The following USP28 variants were observed in gnomAD, a reference collection of about 807,000 sequenced individuals.
USP28 encodes the protein ubiquitin carboxyl-terminal hydrolase 28.
Under a neutral mutation model 145.0 loss-of-function variants are expected in USP28, and 113 were observed. That is an observed-to-expected ratio of 0.78 (90% CI 0.67 to 0.91). USP28 has a LOEUF of 0.91. Ranked by LOEUF, USP28 falls within the 40% of genes least tolerant of loss-of-function variation. USP28 has a pLI of 0.00. For missense variants in USP28, 1,201 were observed against 1,289.6 expected (o/e 0.93, Z 1.05); for synonymous variants, 447 against 450.9 (o/e 0.99, Z 0.11).
chr11:113,825,174 A>G (rs1354282019), intron 11 of USP28, among the ~76,000 whole-genome samples: 1 of 152,236 alleles, frequency 6.6e-6, no homozygotes, highest in Admixed American at 6.5e-5. Flanking sequence ...TGGCACTGAC[A>G]TAAGACCAGA....
Position 113,812,458 on chromosome 11 carries a change from T to G in USP28, c.1790A>C (p.Asn597Thr). The G allele has an allele frequency of 6.2e-7, 1 of 1,614,100 alleles. No individual in the cohort carries two copies. Among genetic ancestry groups the G allele is most frequent in the Admixed American group, 1.7e-5 (1 of 60,026 alleles). The change falls in exon 16 of 25, where the codon AAT becomes ACT. Residue 597 changes from asparagine (N) to threonine (T), a missense_variant. Coordinates refer to ENST00000003302, the Ensembl canonical transcript of USP28. Reference sequence around the variant, plus strand: ...GATATAGGCCCAATAGTGTCCAGCATTTGCTTGTCCTTCATGAACAAGAAC... The same window carrying G: ...GATATAGGCCCAATAGTGTCCAGCAGTTGCTTGTCCTTCATGAACAAGAAC...
At chr11:113,861,810 T>C (rs571030381) in intron 1 of USP28, among the ~76,000 whole-genome samples, 4 of 152,338 alleles carry the variant, frequency 2.6e-5, no homozygotes, top group Admixed American at 1.3e-4. Flanking sequence ...TTTCATTTCT[T>C]TGAATACATG....
intron 5 of USP28, among the ~76,000 whole-genome samples, chr11:113,834,656 G>T (rs531140516): frequency 1.3e-5 from 2 of 152,226 alleles, no homozygotes; most frequent in South Asian, 4.1e-4. Flanking sequence ...GAGCTCAAGG[G>T]ATCTGCCCGC....
intron 1 of USP28, among the ~76,000 whole-genome samples, chr11:113,857,140 T>C (rs1947140020): frequency 6.6e-6 from 1 of 152,236 alleles, no homozygotes; most frequent in East Asian, 1.9e-4. Context: ...TAAGTCACAC[T>C]AGCTTCTTAA....
chr11:113,823,660 C>G (rs571120758), exon 12 of USP28: 1 of 1,612,586 alleles, frequency 6.2e-7, no homozygotes, highest in Non-Finnish European at 8.5e-7. Flanking sequence ...CGAATACACT[C>G]TCTCTTATTT....
intron 7 of USP28, among the ~76,000 whole-genome samples, chr11:113,833,017 GT>G (rs1944180733): frequency 6.6e-6 from 1 of 152,158 alleles, no homozygotes; most frequent in Non-Finnish European, 1.5e-5. Flanking sequence ...CTGAACTCAG[GT>G]TTAGATAGTT....
intron 13 of USP28, among the ~76,000 whole-genome samples, chr11:113,816,574 C>T (rs1941777849): frequency 6.6e-6 from 1 of 152,042 alleles, no homozygotes; most frequent in Non-Finnish European, 1.5e-5. Flanking sequence ...CTCTCACATG[C>T]ACAAAATAAT....
In USP28 at chr11:113,854,253, C is replaced by G. The variant is rs1225032740; in HGVS notation, c.135+5G>C. On this transcript the variant is annotated splice_donor_5th_base_variant and intron_variant, in intron 2 of 24. Coordinates refer to ENST00000003302, the Ensembl canonical transcript of USP28. ...CTCCTGACTAACAGAGATCTGGAAA[C>G]CAACCTTCAGAGCTTCATGGAGAAA... 1 of 1,612,440 alleles carries G rather than the reference C, an allele frequency of 6.2e-7. No homozygotes were observed. The highest frequency in any genetic ancestry group is 1.3e-5 in the African/African-American group (1 of 74,776).
In USP28 at chr11:113,833,572, G is replaced by A. The variant is rs1944255474; in HGVS notation, c.622-15C>T. On this transcript the variant is annotated splice_polypyrimidine_tract_variant and intron_variant, in intron 6 of 24. Transcript: ENST00000003302. Reference sequence around the variant, plus strand: ...TTTCTCTTTTCCTGTAGAAAACACAGTACATGTACTCTTACAATATCTCAT... The same window carrying A: ...TTTCTCTTTTCCTGTAGAAAACACAATACATGTACTCTTACAATATCTCAT... The A allele has an allele frequency of 6.2e-7, 1 of 1,600,948 alleles. No homozygotes were observed. The highest frequency in any genetic ancestry group is 1.1e-5 in the South Asian group (1 of 89,884).
At chr11:113,826,302 GAAAGA>G (rs1199990048) in intron 11 of USP28, among the ~76,000 whole-genome samples, 1 of 103,488 alleles carries the variant, frequency 9.7e-6, no homozygotes, top group East Asian at 3.2e-4. Context: ...AAAAAAGAAA[GAAAGA>G]AAAGAAAAGA....
Position 113,809,056 on chromosome 11 carries a change from CAGA to C in USP28, c.2164+4_2164+6del. ...TGGATCACTGGCATAAATGCCTTCT[CAGA>C]TACCTTGTGATGTAGAGTAGTCCTG... On this transcript the variant is annotated splice_donor_5th_base_variant and intron_variant, in intron 17 of 24. Coordinates refer to ENST00000003302, the Ensembl canonical transcript of USP28. The C allele has an allele frequency of 2.5e-6, 4 of 1,610,278 alleles. No homozygotes were observed. Among genetic ancestry groups the C allele is most frequent in the Non-Finnish European group, 3.4e-6 (4 of 1,178,490 alleles).
exon 25 of USP28, chr11:113,799,211 A>C: frequency 5.6e-6 from 9 of 1,595,208 alleles, no homozygotes; most frequent in Non-Finnish European, 7.7e-6. Context: ...GCAGCCAGGA[A>C]CCAGAATGGG....
At chr11:113,823,672 G>C (rs775973122) in exon 12 of USP28, 1 of 1,610,926 alleles carries the variant, frequency 6.2e-7, no homozygotes, top group Non-Finnish European at 8.5e-7. Context: ...CTCTTATTTC[G>C]AATAAGCTCC....
In USP28 at chr11:113,809,559, A is replaced by G. The variant is rs12295832; in HGVS notation, c.1973-305T>C. ...CCAATGAGCATTCCCTTCCAGCATC[A>G]TGTAATGAAAAAGGCTCATAAAGTT... On this transcript the variant is annotated intron_variant, in intron 16 of 24. Transcript: ENST00000003302. Among the ~76,000 whole-genome samples the G allele has an allele frequency of 9.7e-3, 1,471 of 152,346 alleles. 23 individuals carry two copies. Among genetic ancestry groups the G allele is most frequent in the African/African-American group, 0.032 (1,341 of 41,578 alleles).
intron 1 of USP28, among the ~76,000 whole-genome samples, chr11:113,872,646 C>T (rs1458040478): frequency 6.6e-6 from 1 of 152,148 alleles, no homozygotes; most frequent in Non-Finnish European, 1.5e-5. Context: ...TAAATTTTCA[C>T]TGAAACTGGC....
chr11:113,852,616 A>G (rs773630769), exon 3 of USP28: 2 of 1,614,154 alleles, frequency 1.2e-6, no homozygotes, highest in Non-Finnish European at 1.7e-6. Flanking sequence ...CTGCCTGAGT[A>G]ATGTCACCAT....
At chr11:113,824,919 G>A (rs1041836676) in intron 11 of USP28, among the ~76,000 whole-genome samples, 7 of 122,624 alleles carry the variant, frequency 5.7e-5, no homozygotes, top group Admixed American at 3.0e-4. Context: ...CAACAAGAGC[G>A]AAACTCCGTC....
At chr11:113,868,062 C>T (rs1371900636) in intron 1 of USP28, among the ~76,000 whole-genome samples, 1 of 152,102 alleles carries the variant, frequency 6.6e-6, no homozygotes, top group Non-Finnish European at 1.5e-5. Flanking sequence ...GGAAATAGTG[C>T]CATGCAGCCC....
chr11:113,800,837 CATG>C (rs1387822975), intron 24 of USP28, among the ~76,000 whole-genome samples: 29 of 149,748 alleles, frequency 1.9e-4, no homozygotes, highest in African/African-American at 5.6e-4. Flanking sequence ...CCATACTCTG[CATG>C]ATTTTTTTTT....
Sources: allele counts gnomAD v4.1 joint callset (sites outside exome capture counted in the v4.1 genomes callset), GRCh38; gene constraint gnomAD v4.1.1; transcripts MANE v1.5; gene names NCBI Gene and HGNC (gene_info 2026-07-23, HGNC 2026-07-21).